Variants in COL22A1 observed in about 807,000 individuals in gnomAD.
COL22A1 encodes collagen type XXII alpha 1 chain.
Under a neutral mutation model 248.9 loss-of-function variants are expected in COL22A1, and 221 were observed. The observed-to-expected ratio is 0.89, with a 90% CI of 0.80 to 0.99. COL22A1 has a LOEUF of 0.99. Ranked by LOEUF, COL22A1 falls within the 50% of genes least tolerant of loss-of-function variation. The pLI is 0.00. For synonymous variants in COL22A1, 891 were observed against 793.4 expected, an observed-to-expected ratio of 1.12 and a Z score of -2.07; for missense variants, 2,240 against 2,179.0, an observed-to-expected ratio of 1.03 and a Z score of -0.56.
At chr8:138,804,444 C>G (rs1471085194) in intron 10 of COL22A1, among the ~76,000 whole-genome samples, 1 of 152,226 alleles carries the variant, frequency 6.6e-6, no homozygotes, top group Non-Finnish European at 1.5e-5. Flanking sequence ...TCTGCTCAAG[C>G]ACAGCAGAGG....
chr8:138,815,933 C>T (rs1265213891), intron 7 of COL22A1, among the ~76,000 whole-genome samples: 1 of 152,108 alleles, frequency 6.6e-6, no homozygotes, highest in Non-Finnish European at 1.5e-5. Context: ...ACTGAAGTGC[C>T]CCTTGAAGTG....
chr8:138,694,754 A>C, intron 33 of COL22A1, 72 bp downstream of exon 33: 4 of 1,557,608 alleles, frequency 2.6e-6, no homozygotes, highest in Non-Finnish European at 3.5e-6. Context: ...GCAGATCTAC[A>C]GCTGGTCAGC....
Position 138,821,368 on chromosome 8 carries a change from T to C in COL22A1, c.1013A>G (p.Asn338Ser). ...AGCATCTTTCATGGCACCCACAGCG[T>C]TGTACTCGACTGCCTTGTTTTCACC... ...LDGENKAVEYNAVGAMKDAVR... is the reference protein window; with the variant it reads ...LDGENKAVEYSAVGAMKDAVR... Residue 338 changes from asparagine to serine, a missense_variant, in exon 7 of 65, where the codon AAC (asparagine) becomes AGC (serine). By Grantham distance (46) the Asn-to-Ser change is conservative (BLOSUM62 1). Coordinates refer to ENST00000303045, the MANE Select transcript of COL22A1 (RefSeq NM_152888.3). The C allele has an allele frequency of 1.2e-6, 2 of 1,614,046 alleles. No homozygotes were observed. The highest frequency in any genetic ancestry group is 1.3e-5 in the African/African-American group (1 of 75,014).
At chr8:138,695,964 T>C (rs776023857) in intron 32 of COL22A1, among the ~76,000 whole-genome samples, 11 of 152,114 alleles carry the variant, frequency 7.2e-5, no homozygotes, top group Non-Finnish European at 1.5e-4. Flanking sequence ...TTGGGAGCCC[T>C]GGCCCTCTAA....
At chr8:138,629,196 G>A (rs10101810) in intron 50 of COL22A1, among the ~76,000 whole-genome samples, 106,839 of 150,430 alleles carry the variant, frequency 0.71, 40,765 homozygotes, top group Non-Finnish European at 0.85. Flanking sequence ...TCACTCTGTC[G>A]CCCAGGCTGG....
At chr8:138,596,754 T>C (rs935564181) in intron 62 of COL22A1, 150 bp downstream of exon 62, 6 of 701,544 alleles carry the variant, frequency 8.6e-6, no homozygotes, top group Middle Eastern at 5.8e-4. Flanking sequence ...CAGAACAGTC[T>C]TCAGGGCATT....
intron 1 of COL22A1, among the ~76,000 whole-genome samples, chr8:138,913,242 A>G (rs572774599): frequency 1.5e-4 from 23 of 151,864 alleles, no homozygotes; most frequent in African/African-American, 5.6e-4. Context: ...TTGAAAGTTT[A>G]AAGAGCTGGT....
intron 60 of COL22A1, 77 bp downstream of exon 60, chr8:138,602,038 G>C (rs1328190428): frequency 6.6e-7 from 1 of 1,525,832 alleles, no homozygotes; most frequent in African/African-American, 1.4e-5. Flanking sequence ...CTTGGACAAA[G>C]GCCAGGCTCA....
At chr8:138,596,142 G>C (rs1459500126) in intron 62 of COL22A1, among the ~76,000 whole-genome samples, 1 of 152,216 alleles carries the variant, frequency 6.6e-6, no homozygotes, top group Admixed American at 6.5e-5. Context: ...AACTTCACCT[G>C]ATCTTGGCAA....
At chr8:138,777,248 TAG>T (rs1269137770) in intron 15 of COL22A1, among the ~76,000 whole-genome samples, 2 of 152,248 alleles carry the variant, frequency 1.3e-5, no homozygotes, top group East Asian at 3.9e-4. Context: ...ATCTTTGACC[TAG>T]AGAGAGTACA....
At chr8:138,803,037 C>T (rs1817137339) in intron 10 of COL22A1, 103 bp from the exon 11 acceptor site, 1 of 872,994 alleles carries the variant, frequency 1.1e-6, no homozygotes, top group Admixed American at 1.7e-5. Flanking sequence ...TCCCTAGAAG[C>T]AGCTGACTTC....
At chr8:138,834,137 A>G (rs981248896) in intron 4 of COL22A1, among the ~76,000 whole-genome samples, 6 of 152,154 alleles carry the variant, frequency 3.9e-5, no homozygotes, top group Admixed American at 2.0e-4. Context: ...AGTGTGACTC[A>G]ACACCCGCCT....
intron 37 of COL22A1, among the ~76,000 whole-genome samples, chr8:138,687,738 G>C (rs1826476100): frequency 6.6e-6 from 1 of 152,194 alleles, no homozygotes; most frequent in African/African-American, 2.4e-5. Flanking sequence ...TTACAGATGA[G>C]AAAATCCAGG....
chr8:138,882,817 TCA>T lies in COL22A1; in HGVS notation c.91+263_91+264del, dbSNP rs532825444. Among the ~76,000 whole-genome samples the T allele has an allele frequency of 2.3e-3, 352 of 151,642 alleles. 1 individual carries two copies. The highest frequency in any genetic ancestry group is 8.1e-3 in the African/African-American group (336 of 41,300). On this transcript the variant is annotated intron_variant, in intron 2 of 64. Coordinates refer to ENST00000303045, the MANE Select transcript of COL22A1 (RefSeq NM_152888.3). ...GTCCCCCACATTCCTTCACACTCCCTCACACACTCTCCCTCACACTTTCACAC... is the reference window on the plus strand; with the variant it reads ...GTCCCCCACATTCCTTCACACTCCCTCACACTCTCCCTCACACTTTCACAC...
At chr8:138,790,940 G>C (rs1815981009) in intron 12 of COL22A1, among the ~76,000 whole-genome samples, 1 of 152,130 alleles carries the variant, frequency 6.6e-6, no homozygotes, top group South Asian at 2.1e-4. Context: ...TAGCCCCCCA[G>C]CACCATGCTG....
At chr8:138,772,334 T>C (rs1222151094) in intron 16 of COL22A1, among the ~76,000 whole-genome samples, 2 of 152,000 alleles carry the variant, frequency 1.3e-5, no homozygotes, top group Non-Finnish European at 2.9e-5. Context: ...CATATGTGTG[T>C]GGGGGTGGGT....
At position 138,662,049 on chromosome 8, in the gene COL22A1, T is replaced by C. The variant is rs1230816344; in HGVS notation, c.3221A>G (p.Gln1074Arg). 1 of 1,612,162 alleles carries C rather than the reference T, an allele frequency of 6.2e-7. No individual in the cohort carries two copies. The highest frequency in any genetic ancestry group is 1.1e-5 in the South Asian group (1 of 90,612). Residue 1074 changes from glutamine (Q) to arginine (R), a missense_variant, in exon 43 of 65, where the codon CAG becomes CGG. Transcript: ENST00000303045. ...ACTTACGTCCCGGCCGGCTGGGCCC[T>C]GGGGGCCAGGGAATCCAGGTAAGCC... Reference protein sequence around the residue: ...SRGLPGFPGPQGPAGRDGAPG... With the variant: ...SRGLPGFPGPRGPAGRDGAPG...
intron 10 of COL22A1, among the ~76,000 whole-genome samples, chr8:138,807,102 T>G (rs1586793048): frequency 1.4e-5 from 2 of 146,906 alleles, no homozygotes; most frequent in African/African-American, 5.1e-5. Context: ...ATACAGAGAG[T>G]GAGAGATAAA....
chr8:138,880,015 G>GTA (rs1824070379), intron 2 of COL22A1, among the ~76,000 whole-genome samples: 1 of 152,098 alleles, frequency 6.6e-6, no homozygotes, highest in African/African-American at 2.4e-5. Context: ...ATAAAGGAGG[G>GTA]TATCTTTTTA....
Sources: allele counts gnomAD v4.1 joint callset (sites outside exome capture counted in the v4.1 genomes callset), GRCh38; gene constraint gnomAD v4.1.1; transcripts MANE v1.5; gene names NCBI Gene and HGNC (gene_info 2026-07-23, HGNC 2026-07-21).